The following OXR1 variants were observed in gnomAD, a reference collection of about 807,000 sequenced individuals.
The protein encoded by OXR1 is oxidation resistance 1.
Under a neutral mutation model 104.6 loss-of-function variants are expected in OXR1, and 41 were observed. The observed-to-expected ratio is 0.39, with a 90% confidence interval of 0.31 to 0.51. The LOEUF is 0.51. OXR1 is among the 20% of genes least tolerant of loss of function. OXR1 has a pLI of 0.77. For synonymous variants in OXR1, 348 were observed against 348.4 expected (o/e 1.00, Z 0.01); for missense variants, 955 against 1,031.9 (o/e 0.93, Z 1.02).
At chr8:106,510,665 G>T (rs1382611738) in intron 2 of OXR1, among the ~76,000 whole-genome samples, 1 of 152,122 alleles carries the variant, frequency 6.6e-6, no homozygotes, top group Non-Finnish European at 1.5e-5. Flanking sequence ...CCTTCACAGA[G>T]TTAAATTCAA....
At chr8:106,335,591 A>G (rs967535078) in intron 1 of OXR1, among the ~76,000 whole-genome samples, 1 of 151,936 alleles carries the variant, frequency 6.6e-6, no homozygotes, top group Non-Finnish European at 1.5e-5. Context: ...CTGCTTGGTT[A>G]TAATTACTAC....
intron 2 of OXR1, among the ~76,000 whole-genome samples, chr8:106,469,163 G>T (rs901460268): frequency 6.6e-6 from 1 of 151,496 alleles, no homozygotes; most frequent in Non-Finnish European, 1.5e-5. Context: ...GGAACCAAGG[G>T]ATTCATTCGT....
intron 3 of OXR1, among the ~76,000 whole-genome samples, chr8:106,653,078 A>AT (rs1380297233): frequency 3.4e-4 from 40 of 119,060 alleles, no homozygotes; most frequent in Non-Finnish European, 6.3e-4. Context: ...ATAGAAAAAA[A>AT]AAAAAATATA....
chr8:106,697,706 AGC>A, intron 7 of OXR1: 1 of 1,614,072 alleles, frequency 6.2e-7, no homozygotes, highest in South Asian at 1.1e-5. Context: ...TTAATGCCAT[AGC>A]GCTCAGCTGC....
At chr8:106,363,847 A>G (rs1263436452) in intron 2 of OXR1, among the ~76,000 whole-genome samples, 3 of 152,184 alleles carry the variant, frequency 2.0e-5, no homozygotes, top group African/African-American at 7.2e-5. Context: ...TATGCAGCAG[A>G]GCCCTATCTT....
At chr8:106,530,504 A>G (rs1814014096) in intron 3 of OXR1, among the ~76,000 whole-genome samples, 1 of 152,198 alleles carries the variant, frequency 6.6e-6, no homozygotes, top group Non-Finnish European at 1.5e-5. Flanking sequence ...ATGCTGGTCA[A>G]TGAAATTTTG....
At chr8:106,607,356 TC>T (rs1458981504) in intron 3 of OXR1, among the ~76,000 whole-genome samples, 1 of 152,196 alleles carries the variant, frequency 6.6e-6, no homozygotes, top group Non-Finnish European at 1.5e-5. Context: ...CTTCCTCCCC[TC>T]TGATTGCAAG....
At chr8:106,518,549 A>T (rs1303162495) in intron 2 of OXR1, among the ~76,000 whole-genome samples, 1 of 152,224 alleles carries the variant, frequency 6.6e-6, no homozygotes, top group Non-Finnish European at 1.5e-5. Flanking sequence ...TGATTAAAAA[A>T]TAATGATTTT....
At chr8:106,501,854 TA>T (rs1318281164) in intron 2 of OXR1, among the ~76,000 whole-genome samples, 1 of 152,194 alleles carries the variant, frequency 6.6e-6, no homozygotes, top group Non-Finnish European at 1.5e-5. Context: ...ATATTATTCT[TA>T]AGCTTCAATA....
chr8:106,597,194 C>T (rs568832994), intron 3 of OXR1, among the ~76,000 whole-genome samples: 4 of 152,088 alleles, frequency 2.6e-5, no homozygotes, highest in Admixed American at 2.0e-4. Flanking sequence ...AACCCCAAGA[C>T]GATGCTGTTC....
chr8:106,319,769 G>A (rs1372348209), intron 1 of OXR1, among the ~76,000 whole-genome samples: 3 of 152,196 alleles, frequency 2.0e-5, no homozygotes, highest in Admixed American at 6.5e-5. Flanking sequence ...GAATAAAGGC[G>A]ATTCTTTATT....
chr8:106,307,678 C>T (rs957804468), intron 1 of OXR1, among the ~76,000 whole-genome samples: 3 of 152,000 alleles, frequency 2.0e-5, no homozygotes, highest in Non-Finnish European at 4.4e-5. Flanking sequence ...CCAGCTATAA[C>T]AGGTACCTAG....
intron 2 of OXR1, among the ~76,000 whole-genome samples, chr8:106,408,064 G>A (rs1818308086): frequency 1.3e-5 from 2 of 152,164 alleles, no homozygotes; most frequent in East Asian, 1.9e-4. Flanking sequence ...CCTAGTGGGT[G>A]CAGGCCAGTG....
At chr8:106,576,466 CAAAAAAAAA>C (rs55917847) in intron 3 of OXR1, among the ~76,000 whole-genome samples, 1 of 112,462 alleles carries the variant, frequency 8.9e-6, no homozygotes, top group African/African-American at 3.4e-5. Context: ...CACAGTTATT[CAAAAAAAAA>C]AAAAAAAAAA....
intron 3 of OXR1, among the ~76,000 whole-genome samples, chr8:106,620,544 G>C (rs1451185639): frequency 1.3e-5 from 2 of 152,078 alleles, no homozygotes; most frequent in African/African-American, 4.8e-5. Context: ...TGGCACTGTG[G>C]TTCTAACTGT....
chr8:106,729,244 G>C lies in OXR1; in HGVS notation c.1957-8276G>C, dbSNP rs181760417. ...ACATAGCAATCATACTACAACTAGT[G>C]CAAGTCAGAGCTGATTTTTTAATCT... On this transcript the variant is annotated intron_variant, in intron 11 of 16. Transcript: ENST00000517566. 2.3e-3 allele frequency among the ~76,000 whole-genome samples: 351 copies of C among 152,202 alleles called. 2 individuals carry two copies. The highest frequency in any genetic ancestry group is 8.0e-3 in the African/African-American group (332 of 41,570).
intron 3 of OXR1, among the ~76,000 whole-genome samples, chr8:106,535,146 G>A (rs1814396290): frequency 1.3e-5 from 2 of 152,088 alleles, no homozygotes; most frequent in Admixed American, 1.3e-4. Flanking sequence ...TGTATTTTTA[G>A]TAGAGACGGG....
At chr8:106,508,977 A>G (rs1268440693) in intron 2 of OXR1, among the ~76,000 whole-genome samples, 1 of 152,214 alleles carries the variant, frequency 6.6e-6, no homozygotes, top group Non-Finnish European at 1.5e-5. Flanking sequence ...ATTTATAGAG[A>G]TAGTTTGTAA....
At chr8:106,669,432 G>C (rs1826695986) in intron 3 of OXR1, among the ~76,000 whole-genome samples, 2 of 151,974 alleles carry the variant, frequency 1.3e-5, no homozygotes, top group Admixed American at 1.3e-4. Flanking sequence ...GAAAATTGAG[G>C]GGTTTTGTTT....
Sources: gnomAD v4.1 joint callset for allele counts (sites outside exome capture counted in the v4.1 genomes callset) on GRCh38, gnomAD v4.1.1 for gene constraint, MANE v1.5 for transcripts, NCBI Gene and HGNC (gene_info 2026-07-23, HGNC 2026-07-21) for gene names.